Variants in TXLNB observed in about 807,000 individuals in gnomAD.
TXLNB encodes the protein beta-taxilin.
Under a neutral mutation model 57.4 loss-of-function variants are expected in TXLNB, and 37 were observed. That is an observed-to-expected ratio of 0.64 (90% confidence interval 0.50 to 0.85). The LOEUF is 0.85. TXLNB is among the 40% of genes least tolerant of loss of function. The probability of loss-of-function intolerance (pLI) is 0.00; values close to 1 mark genes in which losing one functional copy is unlikely to be tolerated. For synonymous variants in TXLNB, 302 were observed against 309.6 expected (o/e 0.98, Z 0.26); for missense variants, 848 against 825.6 (o/e 1.03, Z -0.33).
At chr6:139,203,189 GAT>G in the TXLNB span, among the ~76,000 whole-genome samples, 5,427 of 152,216 alleles carry the variant, frequency 0.036, 128 homozygotes, top group Non-Finnish European at 0.055. Context: ...TGGGGGTGCA[GAT>G]ATCTCTTCGC....
chr6:139,179,481 T>A, the TXLNB span: 1 of 152,302 alleles, frequency 6.6e-6, no homozygotes, highest in Non-Finnish European at 1.5e-5. Flanking sequence ...GGTTTTACTG[T>A]AATTGGGTAA....
the TXLNB span, among the ~76,000 whole-genome samples, chr6:139,219,742 A>G: frequency 2.0e-5 from 3 of 152,182 alleles, no homozygotes; most frequent in Non-Finnish European, 4.4e-5. Flanking sequence ...TCTCATCAAT[A>G]TGGAAAACTC....
chr6:139,206,718 A>G, the TXLNB span, among the ~76,000 whole-genome samples: 1 of 152,118 alleles, frequency 6.6e-6, no homozygotes, highest in Admixed American at 6.5e-5. Context: ...ATTTAAAAAA[A>G]CCTACCAACC....
intron 1 of TXLNB, among the ~76,000 whole-genome samples, chr6:139,290,843 T>A (rs1478239857): frequency 6.6e-6 from 1 of 152,254 alleles, no homozygotes; most frequent in Non-Finnish European, 1.5e-5. Flanking sequence ...AAAAGCATAC[T>A]GTTCTACAAC....
chr6:139,203,282 T>G, the TXLNB span, among the ~76,000 whole-genome samples: 2 of 152,210 alleles, frequency 1.3e-5, no homozygotes, highest in Admixed American at 6.5e-5. Context: ...TACATGTACC[T>G]TCAGTTACTA....
chr6:139,280,009 C>T (rs1241264168), intron 2 of TXLNB, among the ~76,000 whole-genome samples: 2 of 152,148 alleles, frequency 1.3e-5, no homozygotes, highest in Admixed American at 6.5e-5. Context: ...AGCGTGGTGG[C>T]TCATGCTTGC....
At chr6:139,215,876 C>G in the TXLNB span, among the ~76,000 whole-genome samples, 1 of 152,156 alleles carries the variant, frequency 6.6e-6, no homozygotes, top group Non-Finnish European at 1.5e-5. Flanking sequence ...TGAAAAAATG[C>G]TCACCATCAC....
At chr6:139,222,918 C>A in the TXLNB span, among the ~76,000 whole-genome samples, 2 of 152,068 alleles carry the variant, frequency 1.3e-5, no homozygotes, top group African/African-American at 2.4e-5. Flanking sequence ...ATATTTTGGT[C>A]AATGGACCAA....
At chr6:139,212,990 T>A in the TXLNB span, among the ~76,000 whole-genome samples, 3 of 152,126 alleles carry the variant, frequency 2.0e-5, no homozygotes, top group Non-Finnish European at 2.9e-5. Flanking sequence ...AAGTCCTTAG[T>A]GACCTACAAA....
chr6:139,163,512 C>T, the TXLNB span, among the ~76,000 whole-genome samples: 1 of 152,062 alleles, frequency 6.6e-6, no homozygotes, highest in Non-Finnish European at 1.5e-5. Context: ...CGCCACTACA[C>T]CCAGCTAATT....
chr6:139,308,303 G>T, the TXLNB span, among the ~76,000 whole-genome samples: 1 of 152,302 alleles, frequency 6.6e-6, no homozygotes, highest in South Asian at 2.1e-4. Flanking sequence ...ACAACTACCT[G>T]CCTGGTTGCA....
At chr6:139,182,300 A>T in the TXLNB span, among the ~76,000 whole-genome samples, 1 of 152,348 alleles carries the variant, frequency 6.6e-6, no homozygotes, top group African/African-American at 2.4e-5. Context: ...CTTATAAAGG[A>T]CTTGGGATAT....
At position 139,283,017 on chromosome 6, in the gene TXLNB, G is replaced by A. The variant is rs773806612; in HGVS notation, c.424+5459C>T. The A allele has an allele frequency of 8.2e-5, 12 of 145,524 alleles. 3 individuals are homozygous for A. The highest frequency in any genetic ancestry group is 1.7e-4 in the Non-Finnish European group (11 of 65,442). The allele number at this position is 145,524 out of a possible 1,614,324, so 9.0% of individuals were successfully genotyped here. ...AGATACCTCTGAGCCTGGAGGATGC[G>A]AGTAGGAGAACAAAGGGGATACTTT... On this transcript the variant is annotated intron_variant, in intron 2 of 9. Coordinates refer to ENST00000358430, the MANE Select transcript of TXLNB (RefSeq NM_153235.4).
the TXLNB span, among the ~76,000 whole-genome samples, chr6:139,207,188 C>T: frequency 5.9e-5 from 9 of 152,148 alleles, no homozygotes; most frequent in African/African-American, 2.2e-4. Context: ...TCATTATTCT[C>T]ATCAGCATGT....
chr6:139,247,949 C>A, intron 7 of TXLNB, 40 bp from the exon 8 acceptor site: 1 of 1,164,074 alleles, frequency 8.6e-7, no homozygotes, highest in South Asian at 1.4e-5. Context: ...AGAATACTTC[C>A]AGAAGAAAAC....
At chr6:139,253,075 T>C (rs1177856401) in intron 7 of TXLNB, among the ~76,000 whole-genome samples, 4 of 152,224 alleles carry the variant, frequency 2.6e-5, no homozygotes, top group African/African-American at 9.6e-5. Context: ...ACCTATGAAA[T>C]AATACTACTA....
At chr6:139,190,783 T>C in the TXLNB span, among the ~76,000 whole-genome samples, 2 of 152,152 alleles carry the variant, frequency 1.3e-5, no homozygotes, top group South Asian at 4.1e-4. Context: ...TTGCTTTTGT[T>C]TTTCTCTTCT....
chr6:139,170,819 G>A, the TXLNB span, among the ~76,000 whole-genome samples: 1 of 152,164 alleles, frequency 6.6e-6, no homozygotes, highest in Non-Finnish European at 1.5e-5. Flanking sequence ...AAAGGTGCGG[G>A]AAAGGGGTTT....
chr6:139,241,958 T>C lies in TXLNB; in HGVS notation c.*568A>G, dbSNP rs972719744. ...TGCATTAAGGGGTGAGAGAAATGTA[T>C]GTGTAATAATGCATTTATATATACA... On this transcript the variant is annotated 3_prime_UTR_variant, in exon 10 of 10. Transcript: ENST00000358430. The C allele has an allele frequency of 2.6e-5, 4 of 152,208 alleles. No homozygotes were observed. The highest frequency in any genetic ancestry group is 9.6e-5 in the African/African-American group (4 of 41,456). The allele number at this position is 152,208 out of a possible 1,614,324, so 9.4% of individuals were successfully genotyped here. A position where few individuals can be genotyped will look rare whatever the true frequency, so the allele number is the denominator to read the frequency against.
Sources: allele counts gnomAD v4.1 joint callset (sites outside exome capture counted in the v4.1 genomes callset), GRCh38; gene constraint gnomAD v4.1.1; transcripts MANE v1.5; gene names NCBI Gene and HGNC (gene_info 2026-07-23, HGNC 2026-07-21).